CSMD1: variants seen among roughly 807,000 people sequenced by gnomAD.
The protein encoded by CSMD1 is CUB and sushi domain-containing protein 1.
A neutral mutation model predicts 417.5 loss-of-function variants in CSMD1; 213 were observed. That is an observed-to-expected ratio of 0.51 (90% CI 0.46 to 0.57). The LOEUF (loss-of-function observed/expected upper bound fraction) is 0.57, where lower values mean the gene tolerates loss of function less well. Ranked by LOEUF, CSMD1 falls within the 20% of genes least tolerant of loss-of-function variation. The probability of loss-of-function intolerance (pLI) is 0.00; values close to 1 mark genes in which losing one functional copy is unlikely to be tolerated. For synonymous variants in CSMD1, 2,862 were observed against 1,736.8 expected (o/e 1.65, Z -16.11); for missense variants, 6,923 against 4,529.7 (o/e 1.53, Z -15.17).
chr8:4,490,076 C>G (rs1201734144), intron 2 of CSMD1, among the ~76,000 whole-genome samples: 1 of 140,818 alleles, frequency 7.1e-6, no homozygotes, highest in African/African-American at 2.7e-5. Flanking sequence ...GAGTCTTGCT[C>G]TGTCACCAGG....
At chr8:4,149,150 G>C (rs559378869) in intron 3 of CSMD1, among the ~76,000 whole-genome samples, 4 of 152,024 alleles carry the variant, frequency 2.6e-5, no homozygotes, top group African/African-American at 9.7e-5. Flanking sequence ...TTTTAGTAGA[G>C]ACAGGGTTTT....
intron 1 of CSMD1, among the ~76,000 whole-genome samples, chr8:4,804,091 C>T (rs1200881109): frequency 6.6e-6 from 1 of 152,144 alleles, no homozygotes; most frequent in Admixed American, 6.5e-5. Context: ...GTTATTTGTT[C>T]AACCATTAAA....
At chr8:3,441,581 T>G (rs1398544330) in intron 12 of CSMD1, among the ~76,000 whole-genome samples, 1 of 151,344 alleles carries the variant, frequency 6.6e-6, no homozygotes, top group African/African-American at 2.4e-5. Context: ...TATACAATGG[T>G]CCCATAAGAT....
At chr8:3,763,152 G>A (rs187135153) in intron 5 of CSMD1, among the ~76,000 whole-genome samples, 14 of 152,300 alleles carry the variant, frequency 9.2e-5, no homozygotes, top group Admixed American at 7.8e-4. Context: ...AAGCCAAAGA[G>A]GTCTCTTCAC....
intron 12 of CSMD1, among the ~76,000 whole-genome samples, chr8:3,450,499 C>T (rs140097574): frequency 0.07 from 10,280 of 146,426 alleles, 873 homozygotes; most frequent in East Asian, 0.19. Context: ...GTGTGATGTT[C>T]CCCTTCCTGT....
At chr8:4,861,247 G>C (rs1802113553) in intron 1 of CSMD1, among the ~76,000 whole-genome samples, 1 of 152,082 alleles carries the variant, frequency 6.6e-6, no homozygotes, top group East Asian at 1.9e-4. Flanking sequence ...ATATATCTCT[G>C]CGGCTATACA....
At chr8:3,136,816 C>T (rs1183946634) in intron 41 of CSMD1, among the ~76,000 whole-genome samples, 1 of 152,116 alleles carries the variant, frequency 6.6e-6, no homozygotes, top group African/African-American at 2.4e-5. Flanking sequence ...TTAAAGAAGC[C>T]TTCTACAAAA....
intron 1 of CSMD1, among the ~76,000 whole-genome samples, chr8:4,975,392 G>A (rs1810490847): frequency 6.6e-6 from 1 of 152,180 alleles, no homozygotes; most frequent in African/African-American, 2.4e-5. Context: ...TTTACTTCCT[G>A]GCTGTAAGCG....
intron 10 of CSMD1, among the ~76,000 whole-genome samples, chr8:3,507,956 T>C (rs987455648): frequency 2.6e-5 from 4 of 152,204 alleles, no homozygotes; most frequent in Admixed American, 2.6e-4. Flanking sequence ...ATTCTGTAGG[T>C]TGCCTGTTCA....
intron 5 of CSMD1, among the ~76,000 whole-genome samples, chr8:3,822,573 A>G (rs577167621): frequency 6.6e-6 from 1 of 152,258 alleles, no homozygotes; most frequent in African/African-American, 2.4e-5. Context: ...CTATCACTTC[A>G]TGGGTTTATT....
At chr8:4,421,340 C>G (rs144065411) in intron 2 of CSMD1, among the ~76,000 whole-genome samples, 226 of 152,216 alleles carry the variant, frequency 1.5e-3, no homozygotes, top group Non-Finnish European at 2.7e-3. Context: ...AGTATTTAAT[C>G]AATATTTATA....
intron 3 of CSMD1, among the ~76,000 whole-genome samples, chr8:4,404,152 C>G (rs984140021): frequency 5.9e-5 from 9 of 152,160 alleles, no homozygotes; most frequent in Admixed American, 5.2e-4. Context: ...CAGCGTAGAG[C>G]TTTCCGGAAC....
chr8:3,099,137 G>A (rs958621792), intron 46 of CSMD1, among the ~76,000 whole-genome samples: 6 of 151,834 alleles, frequency 4.0e-5, no homozygotes, highest in South Asian at 2.1e-4. Flanking sequence ...TTATCCAAGC[G>A]CTGCAGTGAA....
intron 3 of CSMD1, among the ~76,000 whole-genome samples, chr8:4,080,321 T>C (rs1237743466): frequency 6.6e-6 from 1 of 152,182 alleles, no homozygotes; most frequent in Non-Finnish European, 1.5e-5. Context: ...GGCACGATCT[T>C]ACCCGTGAGT....
intron 1 of CSMD1, among the ~76,000 whole-genome samples, chr8:4,869,982 T>C (rs1802641107): frequency 6.6e-6 from 1 of 152,118 alleles, no homozygotes; most frequent in African/African-American, 2.4e-5. Flanking sequence ...CATTTAAGAA[T>C]TGAAAATAAT....
chr8:4,831,493 A>C (rs1156472918), intron 1 of CSMD1, among the ~76,000 whole-genome samples: 1 of 152,196 alleles, frequency 6.6e-6, no homozygotes, highest in Non-Finnish European at 1.5e-5. Context: ...AGTTTTGTCA[A>C]GATGCTGCTC....
chr8:3,678,688 G>A (rs138573943), intron 7 of CSMD1, among the ~76,000 whole-genome samples: 2,238 of 152,102 alleles, frequency 0.015, 49 homozygotes, highest in African/African-American at 0.047. Context: ...CACAGAGGAC[G>A]CCACAAAGAT....
intron 12 of CSMD1, among the ~76,000 whole-genome samples, chr8:3,433,085 A>G (rs966485114): frequency 5.9e-5 from 9 of 152,338 alleles, no homozygotes; most frequent in Admixed American, 6.5e-5. Flanking sequence ...AAAAGTTATA[A>G]TCCAAGAAAT....
chr8:3,933,913 T>C (rs1247561026), intron 5 of CSMD1, among the ~76,000 whole-genome samples: 4 of 152,068 alleles, frequency 2.6e-5, no homozygotes, highest in Middle Eastern at 3.2e-3. Context: ...CTAGTAAATA[T>C]GGGTGAAAAA....
Sources: allele counts gnomAD v4.1 joint callset (sites outside exome capture counted in the v4.1 genomes callset), GRCh38; gene constraint gnomAD v4.1.1; transcripts MANE v1.5; gene names NCBI Gene and HGNC (gene_info 2026-07-23, HGNC 2026-07-21).